Variants in LEPR observed in about 807,000 individuals in gnomAD.
LEPR encodes leptin receptor.
LEPR carries 56 observed loss-of-function variants against 114.7 expected under a neutral mutation model. The ratio of observed to expected loss-of-function variants is 0.49; its 90% CI spans 0.39 to 0.61. LEPR has a LOEUF of 0.61. Ranked by LOEUF, LEPR falls within the 20% of genes least tolerant of loss-of-function variation. The pLI, the probability that LEPR is intolerant of heterozygous loss-of-function variation, is 0.00. For synonymous variants in LEPR, 443 were observed against 461.4 expected (o/e 0.96, Z 0.51); for missense variants, 1,202 against 1,352.9 (o/e 0.89, Z 1.75).
At chr1:65,432,828 G>T in intron 2 of LEPR, 2 of 633,406 alleles carry the variant, frequency 3.2e-6, no homozygotes, top group Non-Finnish European at 3.9e-6. Context: ...TCATAAAAAA[G>T]TTAAATATTT....
chr1:65,538,692 C>G (rs977420443), intron 2 of LEPR, among the ~76,000 whole-genome samples: 2 of 151,990 alleles, frequency 1.3e-5, no homozygotes, highest in Non-Finnish European at 2.9e-5. Context: ...CATTCTCTTT[C>G]TTACTCCTTT....
At chr1:65,554,848 C>A (rs907110789) in intron 2 of LEPR, among the ~76,000 whole-genome samples, 2 of 152,034 alleles carry the variant, frequency 1.3e-5, no homozygotes, top group African/African-American at 4.8e-5. Flanking sequence ...GGTGTAGGCA[C>A]CCGAGGGAAT....
intron 2 of LEPR, chr1:65,486,420 T>C (rs1647488062): frequency 6.6e-6 from 1 of 152,172 alleles, no homozygotes; most frequent in Non-Finnish European, 1.5e-5. Context: ...TTATATTTCT[T>C]TGACATGTGA....
At chr1:65,471,755 T>G (rs1647086117) in intron 2 of LEPR, among the ~76,000 whole-genome samples, 1 of 152,170 alleles carries the variant, frequency 6.6e-6, no homozygotes, top group Non-Finnish European at 1.5e-5. Flanking sequence ...TAGAAAATAG[T>G]CTGGTCATGA....
intron 5 of LEPR, 118 bp from the exon 6 acceptor site, chr1:65,592,539 C>T (rs566421393): frequency 7.3e-6 from 7 of 959,270 alleles, no homozygotes; most frequent in South Asian, 6.3e-5. Context: ...TTTTCAGATA[C>T]CCTTTAAGCT....
At chr1:65,426,027 G>A (rs1646355605) in intron 2 of LEPR, among the ~76,000 whole-genome samples, 1 of 152,160 alleles carries the variant, frequency 6.6e-6, no homozygotes, top group African/African-American at 2.4e-5. Context: ...GAGACGGACA[G>A]TAAACAACAA....
intron 2 of LEPR, among the ~76,000 whole-genome samples, chr1:65,436,889 T>C (rs749202848): frequency 1.2e-4 from 18 of 152,264 alleles, no homozygotes; most frequent in Non-Finnish European, 2.2e-4. Flanking sequence ...CTTATCAATT[T>C]AAAGCATAAA....
chr1:65,508,010 A>C (rs893589638), intron 2 of LEPR, among the ~76,000 whole-genome samples: 2 of 152,170 alleles, frequency 1.3e-5, no homozygotes, highest in Admixed American at 1.3e-4. Flanking sequence ...GTCTATGGAA[A>C]TTCTTTGCCA....
chr1:65,450,961 T>C (rs1646776936), intron 2 of LEPR, among the ~76,000 whole-genome samples: 1 of 150,566 alleles, frequency 6.6e-6, no homozygotes, highest in African/African-American at 2.4e-5. Flanking sequence ...TTTTTAATGA[T>C]TGCCATTCTA....
intron 18 of LEPR, among the ~76,000 whole-genome samples, chr1:65,622,340 A>G (rs1190798483): frequency 2.0e-5 from 3 of 151,848 alleles, no homozygotes; most frequent in Non-Finnish European, 4.4e-5. Context: ...ATCAGCAGGC[A>G]CTCTGCTTTT....
intron 2 of LEPR, among the ~76,000 whole-genome samples, chr1:65,466,459 T>G (rs1179992961): frequency 6.6e-6 from 1 of 152,196 alleles, no homozygotes; most frequent in Non-Finnish European, 1.5e-5. Context: ...CCCTTAACAT[T>G]TTTTCCTTCA....
intron 5 of LEPR, among the ~76,000 whole-genome samples, chr1:65,590,457 G>A (rs947020712): frequency 8.6e-5 from 13 of 151,094 alleles, no homozygotes; most frequent in African/African-American, 3.2e-4. Flanking sequence ...TAATCATGGG[G>A]GTGGTTACCT....
chr1:65,454,258 A>C (rs1051359805), intron 2 of LEPR, among the ~76,000 whole-genome samples: 4 of 152,126 alleles, frequency 2.6e-5, no homozygotes, highest in African/African-American at 7.2e-5. Flanking sequence ...TGTGTCTTTT[A>C]ATTGGAACGT....
At chr1:65,568,140 GA>G (rs1274881862) in intron 3 of LEPR, among the ~76,000 whole-genome samples, 2 of 152,104 alleles carry the variant, frequency 1.3e-5, no homozygotes, top group Admixed American at 1.3e-4. Flanking sequence ...GCGTTTTATA[GA>G]ATGTCATAAT....
intron 2 of LEPR, among the ~76,000 whole-genome samples, chr1:65,510,267 T>G (rs146752400): frequency 6.6e-6 from 1 of 152,200 alleles, no homozygotes. Context: ...CCTTTTTGGC[T>G]AAGCTATTAT....
intron 2 of LEPR, among the ~76,000 whole-genome samples, chr1:65,553,883 C>T (rs1782762): frequency 6.6e-6 from 1 of 151,940 alleles, no homozygotes; most frequent in Non-Finnish European, 1.5e-5. Flanking sequence ...CTTTGAATGG[C>T]GTTTTTCTGT....
chr1:65,549,893 T>C (rs1404585037), intron 2 of LEPR, among the ~76,000 whole-genome samples: 1 of 152,200 alleles, frequency 6.6e-6, no homozygotes, highest in Non-Finnish European at 1.5e-5. Context: ...GGCGCTCTGC[T>C]TTTTAGAGTT....
At chr1:65,451,023 G>A (rs1646777807) in intron 2 of LEPR, among the ~76,000 whole-genome samples, 1 of 149,932 alleles carries the variant, frequency 6.7e-6, no homozygotes, top group Non-Finnish European at 1.5e-5. Flanking sequence ...TTCTCTGATG[G>A]CCAGTGATGG....
At chr1:65,483,545 A>G (rs1647324612) in intron 2 of LEPR, among the ~76,000 whole-genome samples, 1 of 152,150 alleles carries the variant, frequency 6.6e-6, no homozygotes. Flanking sequence ...TGTGAATATT[A>G]ACTTATATCA....
Sources: gnomAD v4.1 joint callset for allele counts (sites outside exome capture counted in the v4.1 genomes callset) on GRCh38, gnomAD v4.1.1 for gene constraint, MANE v1.5 for transcripts, NCBI Gene and HGNC (gene_info 2026-07-23, HGNC 2026-07-21) for gene names.